Variants in PCDHA3 observed in about 807,000 individuals in gnomAD.
PCDHA3 encodes protocadherin alpha 3, also known as protocadherin alpha-3.
A neutral mutation model predicts 62.2 loss-of-function variants in PCDHA3; 41 were observed. That is an observed-to-expected ratio of 0.66 (90% CI 0.51 to 0.86). The LOEUF (loss-of-function observed/expected upper bound fraction) is 0.86, where lower values mean the gene tolerates loss of function less well. PCDHA3 is among the 40% of genes least tolerant of loss of function. The probability of loss-of-function intolerance (pLI) is 0.00; values close to 1 mark genes in which losing one functional copy is unlikely to be tolerated. For missense variants in PCDHA3, 1,304 were observed against 1,241.2 expected (o/e 1.05, Z -0.76); for synonymous variants, 640 against 555.4 (o/e 1.15, Z -2.14).
At chr5:140,875,278 T>A in intron 1 of PCDHA3, 1 of 1,326,774 alleles carries the variant, frequency 7.5e-7, no homozygotes, top group Non-Finnish European at 9.9e-7. Context: ...ACTCAGAAGG[T>A]GAAACAGGAA....
Position 140,836,712 on chromosome 5 carries a change from C to T in PCDHA3, c.2394+33121C>T, listed in dbSNP as rs2150268278. On this transcript the variant is annotated intron_variant, in intron 1 of 3. Transcript: ENST00000522353. Reference sequence around the variant, plus strand: ...CCTCATGGCCTTCAGTCCCAGCCTTCCTCAGGGTCCATCCTCTACAGACAA... The same window carrying T: ...CCTCATGGCCTTCAGTCCCAGCCTTTCTCAGGGTCCATCCTCTACAGACAA... 1.9e-6 allele frequency: 3 copies of T among 1,612,872 alleles called. 1 individual carries two copies. In the African/African-American group the frequency reaches 4.0e-5, roughly 22 times the overall value.
chr5:140,992,017 C>CTG (rs10602499), intron 3 of PCDHA3, among the ~76,000 whole-genome samples: 19,643 of 145,468 alleles, frequency 0.14, 1,328 homozygotes, highest in East Asian at 0.18. Flanking sequence ...AGAGGTGGCT[C>CTG]TGTGTGTGTG....
chr5:140,954,025 C>T (rs533473552), intron 1 of PCDHA3, among the ~76,000 whole-genome samples: 385 of 152,188 alleles, frequency 2.5e-3, no homozygotes, highest in Middle Eastern at 0.014. Context: ...CATAGTGGGA[C>T]GATGTGGTAT....
intron 1 of PCDHA3, chr5:140,863,620 A>G (rs2048096081): frequency 3.1e-6 from 1 of 322,758 alleles, no homozygotes; most frequent in Non-Finnish European, 6.1e-6. Context: ...CCTCATAGTG[A>G]CATTGATAAT....
intron 1 of PCDHA3, chr5:140,875,821 T>C: frequency 6.2e-7 from 1 of 1,614,192 alleles, no homozygotes; most frequent in Non-Finnish European, 8.5e-7. Context: ...GCTGCAGGTT[T>C]TCCATGTGGA....
rs566522528 is a variant in PCDHA3, at chr5:140,881,283, A to C, written c.2394+77692A>C. On this transcript the variant is annotated intron_variant, in intron 1 of 3. Coordinates refer to ENST00000522353, the MANE Select transcript of PCDHA3 (RefSeq NM_018906.3). ...TCAGTGATGATGAAGTAAGATGGAG[A>C]GAGAAAATGGAAACTTTAACCTCCT... 1.3e-5 allele frequency: 10 copies of C among 799,388 alleles called. No homozygotes were observed. The African/African-American group carries it at 1.9e-4, about 15-fold the overall frequency. The allele number at this position is 799,388 out of a possible 1,614,324, so 49.5% of individuals were successfully genotyped here.
At chr5:140,822,436 C>A in intron 1 of PCDHA3, 1 of 1,613,874 alleles carries the variant, frequency 6.2e-7, no homozygotes, top group South Asian at 1.1e-5. Context: ...AAAACCCGAA[C>A]TAACAGGTAC....
At chr5:140,872,878 C>G (rs1582101357) in intron 1 of PCDHA3, among the ~76,000 whole-genome samples, 1 of 152,160 alleles carries the variant, frequency 6.6e-6, no homozygotes, top group East Asian at 1.9e-4. Flanking sequence ...TTATCAGTTT[C>G]ATTCATCTCA....
chr5:140,807,136 C>G, intron 1 of PCDHA3: 7 of 1,564,272 alleles, frequency 4.5e-6, no homozygotes, highest in Non-Finnish European at 6.1e-6. Flanking sequence ...AAAAGATTTC[C>G]CTTGACTTTG....
rs74450843 is a variant in PCDHA3 at position 140,951,654 on chromosome 5, C to A, written c.2395-27295C>A. ...GCCCCATGATCTAATCACCTCCCAC[C>A]AGGGCCTGCCTACAAAATTGGGGAT... On this transcript the variant is annotated intron_variant, in intron 1 of 3. Coordinates refer to ENST00000522353, the MANE Select transcript of PCDHA3 (RefSeq NM_018906.3). 1.1e-4 allele frequency among the ~76,000 whole-genome samples: 16 copies of A among 152,248 alleles called. No homozygotes were observed. In the East Asian group the frequency reaches 3.1e-3, roughly 29 times the overall value.
chr5:140,824,002 G>T (rs1554129685), intron 1 of PCDHA3: 7 of 1,614,092 alleles, frequency 4.3e-6, no homozygotes, highest in Non-Finnish European at 5.9e-6. Flanking sequence ...GTGCTCCAGC[G>T]CGGTGGGGAG....
chr5:140,929,995 C>A (rs543771321), intron 1 of PCDHA3: 1 of 152,108 alleles, frequency 6.6e-6, no homozygotes, highest in Admixed American at 6.5e-5. Context: ...GGAATGACAC[C>A]CTAAAACATA....
At chr5:140,958,290 T>C (rs1554223401) in intron 1 of PCDHA3, among the ~76,000 whole-genome samples, 1 of 152,154 alleles carries the variant, frequency 6.6e-6, no homozygotes, top group Non-Finnish European at 1.5e-5. Context: ...TTAAATATTA[T>C]TGAACTTAAT....
At chr5:140,833,958 A>G (rs1772734204) in intron 1 of PCDHA3, among the ~76,000 whole-genome samples, 1 of 152,116 alleles carries the variant, frequency 6.6e-6, no homozygotes, top group African/African-American at 2.4e-5. Flanking sequence ...TTTATTTAAA[A>G]CTGTGTGAAA....
intron 1 of PCDHA3, chr5:140,821,732 G>T (rs1554128164): frequency 6.6e-7 from 1 of 1,525,316 alleles, no homozygotes; most frequent in Admixed American, 2.0e-5. Context: ...AAAATACATT[G>T]TGTGGTGATG....
intron 1 of PCDHA3, chr5:140,865,257 T>G (rs1250591902): frequency 6.6e-6 from 1 of 152,240 alleles, no homozygotes; most frequent in Non-Finnish European, 1.5e-5. Flanking sequence ...TGTAAGGATG[T>G]GTATCAAATT....
At chr5:140,861,511 T>C in intron 1 of PCDHA3, 1 of 471,158 alleles carries the variant, frequency 2.1e-6, no homozygotes, top group South Asian at 1.7e-5. Flanking sequence ...CTCGAGGAGC[T>C]GTGTGGGAGG....
Position 140,841,423 on chromosome 5 carries a change from C to T in PCDHA3, c.2394+37832C>T, listed in dbSNP as rs139433967. ...TGGGGAGCGGCCAGCTCCACTACTCCGTCCCCGAGGAGGCCAAACACGGCA... is the reference window on the plus strand; with the variant it reads ...TGGGGAGCGGCCAGCTCCACTACTCTGTCCCCGAGGAGGCCAAACACGGCA... On this transcript the variant is annotated intron_variant, in intron 1 of 3. Coordinates refer to ENST00000522353, the MANE Select transcript of PCDHA3 (RefSeq NM_018906.3). 4.9e-4 allele frequency: 796 copies of T among 1,610,400 alleles called. 13 individuals carry two copies. The African/African-American group carries it at 8.8e-3, about 18-fold the overall frequency.
chr5:140,995,086 T>C (rs1182368049), intron 3 of PCDHA3, among the ~76,000 whole-genome samples: 2 of 152,246 alleles, frequency 1.3e-5, no homozygotes, highest in African/African-American at 4.8e-5. Context: ...TCCAAACTTA[T>C]CTGTGGAGAT....
Sources: gnomAD v4.1 joint callset for allele counts (sites outside exome capture counted in the v4.1 genomes callset) on GRCh38, gnomAD v4.1.1 for gene constraint, MANE v1.5 for transcripts, NCBI Gene and HGNC (gene_info 2026-07-23, HGNC 2026-07-21) for gene names.